The following DAB1 variants were observed in gnomAD, a reference collection of about 807,000 sequenced individuals.
DAB1 encodes the protein DAB adaptor protein 1.
Under a neutral mutation model 64.6 loss-of-function variants are expected in DAB1, and 15 were observed. The observed-to-expected ratio is 0.23, with a 90% confidence interval of 0.16 to 0.36. The LOEUF (loss-of-function observed/expected upper bound fraction) is 0.36, where lower values mean the gene tolerates loss of function less well. Ranked by LOEUF, DAB1 falls within the 10% of genes least tolerant of loss-of-function variation. The probability of loss-of-function intolerance (pLI) is 1.00; values close to 1 mark genes in which losing one functional copy is unlikely to be tolerated. For missense variants in DAB1, 596 were observed against 706.7 expected (o/e 0.84, Z 1.78); for synonymous variants, 235 against 251.9 (o/e 0.93, Z 0.64).
At chr1:57,553,428 A>AAGAGAAAGAAAG (rs1558487121) in intron 7 of DAB1, among the ~76,000 whole-genome samples, 1 of 16,264 alleles carries the variant, frequency 6.1e-5, no homozygotes, top group African/African-American at 8.1e-5. Flanking sequence ...GAAAGAAAGA[A>AAGAGAAAGAAAG]AGAAAGAAAG....
intron 1 of DAB1, among the ~76,000 whole-genome samples, chr1:57,837,893 C>T (rs113260072): frequency 5.6e-4 from 85 of 151,172 alleles, no homozygotes; most frequent in African/African-American, 2.0e-3. Context: ...CCCACCACCT[C>T]CACTGCTTCC....
chr1:57,889,957 G>A (rs1464190270), intron 5 of DAB1, among the ~76,000 whole-genome samples: 1 of 151,058 alleles, frequency 6.6e-6, no homozygotes, highest in Admixed American at 6.6e-5. Flanking sequence ...ATTGGCTGAT[G>A]ATCATTCAGA....
At chr1:57,569,277 C>T (rs1384341121) in intron 7 of DAB1, among the ~76,000 whole-genome samples, 1 of 43,840 alleles carries the variant, frequency 2.3e-5, no homozygotes, top group Admixed American at 1.8e-4. Flanking sequence ...AAAAAAAAGA[C>T]ACATGCACAC....
upstream of DAB1, among the ~76,000 whole-genome samples, chr1:57,884,570 A>C (rs1644194803): frequency 1.3e-5 from 2 of 152,274 alleles, no homozygotes; most frequent in Admixed American, 1.3e-4. Flanking sequence ...GGATAAAGAA[A>C]ATGTATATTT....
chr1:58,109,583 TTTGTA>T lies in DAB1; in HGVS notation n.387+40923_387+40927del, dbSNP rs1327045459. ...CATTCCTCTCAAAAACCAAACACTCTTTGTATTTTTAGTAGCCTAAAAAAAGCTAG... is the reference window on the plus strand; with the variant it reads ...CATTCCTCTCAAAAACCAAACACTCTTTTTTAGTAGCCTAAAAAAAGCTAG... On this transcript the variant is annotated intron_variant and non_coding_transcript_variant, in intron 5 of 20. Transcript: ENST00000485760. Among the ~76,000 whole-genome samples, 4 of 151,998 alleles carry T rather than the reference TTTGTA, an allele frequency of 2.6e-5. No homozygotes were observed. The East Asian group carries it at 7.7e-4, about 29-fold the overall frequency.
intron 1 of DAB1, among the ~76,000 whole-genome samples, chr1:57,347,623 T>C (rs1678222469): frequency 6.6e-6 from 1 of 152,176 alleles, no homozygotes; most frequent in Non-Finnish European, 1.5e-5. Context: ...TCATTGAAAA[T>C]GTAAGTTGAA....
At chr1:57,195,769 T>C (rs1664575342) in intron 2 of DAB1, among the ~76,000 whole-genome samples, 1 of 152,242 alleles carries the variant, frequency 6.6e-6, no homozygotes, top group Non-Finnish European at 1.5e-5. Context: ...AAGAAGAGAA[T>C]TGTTGTGCAA....
chr1:57,478,538 C>G (rs1349538438), intron 7 of DAB1, among the ~76,000 whole-genome samples: 1 of 149,934 alleles, frequency 6.7e-6, no homozygotes, highest in Non-Finnish European at 1.5e-5. Flanking sequence ...AATAGATGCT[C>G]TCTTAACCAA....
At chr1:57,044,851 C>T (rs538990146) in intron 9 of DAB1, among the ~76,000 whole-genome samples, 6 of 152,288 alleles carry the variant, frequency 3.9e-5, no homozygotes, top group Middle Eastern at 3.4e-3. Flanking sequence ...CTTGGCCAGG[C>T]AGAGGTCACT....
chr1:57,752,714 G>C (rs1334136101), intron 6 of DAB1, among the ~76,000 whole-genome samples: 4 of 152,156 alleles, frequency 2.6e-5, no homozygotes, highest in Admixed American at 6.5e-5. Flanking sequence ...AGAATGTACT[G>C]AACTGTGGCT....
At chr1:57,074,702 C>T (rs139558677) in intron 4 of DAB1, among the ~76,000 whole-genome samples, 66 of 152,304 alleles carry the variant, frequency 4.3e-4, no homozygotes, top group African/African-American at 1.5e-3. Flanking sequence ...CCACTGGCCA[C>T]TGGATATCAT....
At chr1:57,342,010 TCC>T in intron 1 of DAB1, among the ~76,000 whole-genome samples, 2 of 152,358 alleles carry the variant, frequency 1.3e-5, no homozygotes, top group South Asian at 4.1e-4. Context: ...CCATATTTCA[TCC>T]TGAACACAGC....
intron 14 of DAB1, among the ~76,000 whole-genome samples, chr1:57,000,625 T>C (rs576915906): frequency 3.0e-4 from 45 of 152,342 alleles, no homozygotes; most frequent in African/African-American, 1.0e-3. Context: ...TGTGTTTGTG[T>C]TCTACAAGTG....
At chr1:57,983,530 C>T (rs1466409406) in intron 5 of DAB1, among the ~76,000 whole-genome samples, 2 of 152,142 alleles carry the variant, frequency 1.3e-5, no homozygotes, top group Non-Finnish European at 2.9e-5. Flanking sequence ...AAATAGCTCT[C>T]CTGCAGCCAG....
chr1:57,084,540 T>G (rs1394734662), intron 4 of DAB1, among the ~76,000 whole-genome samples: 1 of 152,196 alleles, frequency 6.6e-6, no homozygotes, highest in African/African-American at 2.4e-5. Flanking sequence ...GGTCCTTTTG[T>G]TTAAGGAGTT....
intron 3 of DAB1, among the ~76,000 whole-genome samples, chr1:58,368,471 T>C (rs773546098): frequency 1.3e-5 from 2 of 152,152 alleles, no homozygotes; most frequent in African/African-American, 2.4e-5. Context: ...GGGAGGGTGA[T>C]GTGATTATCA....
At chr1:58,217,486 C>T (rs1391950772) in intron 4 of DAB1, among the ~76,000 whole-genome samples, 1 of 152,238 alleles carries the variant, frequency 6.6e-6, no homozygotes, top group Non-Finnish European at 1.5e-5. Flanking sequence ...CCTTTACCCA[C>T]TTATTCATTT....
intron 4 of DAB1, among the ~76,000 whole-genome samples, chr1:58,208,339 G>T (rs1417086094): frequency 6.6e-6 from 1 of 152,068 alleles, no homozygotes; most frequent in African/African-American, 2.4e-5. Context: ...GTGGTGTCTG[G>T]TTACATGGAC....
chr1:57,693,641 A>G (rs1480871537), intron 6 of DAB1, among the ~76,000 whole-genome samples: 1 of 152,142 alleles, frequency 6.6e-6, no homozygotes, highest in Non-Finnish European at 1.5e-5. Context: ...ACTCTTCACA[A>G]TAAATCTTGC....
Sources: gnomAD v4.1 joint callset for allele counts (sites outside exome capture counted in the v4.1 genomes callset) on GRCh38, gnomAD v4.1.1 for gene constraint, MANE v1.5 for transcripts, NCBI Gene and HGNC (gene_info 2026-07-23, HGNC 2026-07-21) for gene names.